FER1L5: variants seen among roughly 807,000 people sequenced by gnomAD.
FER1L5 encodes fer-1 like family member 5.
In FER1L5, 187 loss-of-function variants were observed where a neutral mutation model predicts 279.9. That is an observed-to-expected ratio of 0.67 (90% confidence interval 0.59 to 0.75). The LOEUF is 0.75. FER1L5 is among the 30% of genes least tolerant of loss of function. The pLI, the probability that FER1L5 is intolerant of heterozygous loss-of-function variation, is 0.00. For missense variants in FER1L5, 2,091 were observed against 2,594.4 expected, an observed-to-expected ratio of 0.81 and a Z score of 4.21; for synonymous variants, 921 against 989.7, an observed-to-expected ratio of 0.93 and a Z score of 1.30.
At position 96,702,430 on chromosome 2, in the gene FER1L5, A is replaced by G. The variant is rs959718484; in HGVS notation, c.5255+29A>G. 5.0e-6 allele frequency: 8 copies of G among 1,590,364 alleles called. No individual in the cohort carries two copies. The highest frequency in any genetic ancestry group is 6.8e-6 in the Non-Finnish European group (8 of 1,168,822). On this transcript the variant is annotated intron_variant, in intron 47 of 52. Coordinates refer to ENST00000624922, the MANE Select transcript of FER1L5 (RefSeq NM_001293083.2). The surrounding 1 kb of genome is among the most constrained non-coding windows in gnomAD (Gnocchi z 4.0). ...GGGAAGAGGAGTCAGGCTCCGGCAG[A>G]GCCCCTCAGTTCCCCAGTTCTGTCA... is the stretch of plus-strand genomic sequence containing the variant.
rs2075115797 is a variant in FER1L5 at position 96,646,099 on chromosome 2, C to T, written c.86-302C>T. 4.0e-5 allele frequency among the ~76,000 whole-genome samples: 6 copies of T among 148,972 alleles called. No homozygotes were observed. In the Admixed American group the frequency reaches 4.1e-4, roughly 10 times the overall value. ...CTGCAAGCTCTGCCTCCTGGGTTCA[C>T]ACCCTTCTCCTGCCTCAGCCTCCCA... On this transcript the variant is annotated intron_variant, in intron 1 of 52. Transcript: ENST00000624922.
chr2:96,686,303 C>G lies in FER1L5; in HGVS notation c.2182C>G (p.Leu728Val), dbSNP rs1251309908. Residue 728 changes from leucine (L) to valine (V), a missense_variant, in exon 23 of 53, where the codon CTG becomes GTG. By Grantham distance (32) the Leu-to-Val change is conservative (BLOSUM62 1). Coordinates refer to ENST00000624922, the MANE Select transcript of FER1L5 (RefSeq NM_001293083.2). ...CGTCCTCTTCTCCCCGGCAGGGGCT[C>G]TGCACTCCGGCAGGCTCTGTGGGAA... ...HSVLFSPAGALHSGRLCGKIQ... is the reference protein window; with the variant it reads ...HSVLFSPAGAVHSGRLCGKIQ... The G allele has an allele frequency of 5.8e-6, 9 of 1,551,480 alleles. No homozygotes were observed. The highest frequency in any genetic ancestry group is 7.8e-6 in the Non-Finnish European group (9 of 1,146,992).
In FER1L5 at chr2:96,702,602, G is replaced by A; in HGVS notation, c.5258G>A (p.Trp1753Ter). The change falls in exon 48 of 53, where the codon TGG becomes TAG. Residue 1753 changes from tryptophan to a stop codon, truncating the protein, a stop_gained and splice_region_variant. Coordinates refer to ENST00000624922, the MANE Select transcript of FER1L5 (RefSeq NM_001293083.2). LOFTEE classifies it high-confidence loss of function. This position sits in a 1 kb window ranked among gnomAD's most constrained non-coding sequence, Gnocchi z 4.0. ...EKTSDIYIKG[W>*]LYGLEKDMQK... ...AGGTGATAGGACTCTGGCCCCAGGT[G>A]GTTATACGGGCTGGAGAAGGACATG... is the stretch of plus-strand genomic sequence containing the variant. 2 of 1,569,200 alleles carry A rather than the reference G, an allele frequency of 1.3e-6. No individual in the cohort carries two copies. The highest frequency in any genetic ancestry group is 1.7e-6 in the Non-Finnish European group (2 of 1,157,412).
Position 96,700,342 on chromosome 2 carries a change from C to G in FER1L5, c.4941C>G (p.Thr1647=). ...CCCCCTCCAATCCAGAGCCCAAAAC[C>G]CCTACTGTTCATGGTTTGGGACCCA... ...KFKLQSFEPK[T]PTVHGLGPKK... Residue 1647 remains threonine, a synonymous_variant, in exon 45 of 53, where the codon ACC becomes ACG. Coordinates refer to ENST00000624922, the MANE Select transcript of FER1L5 (RefSeq NM_001293083.2). 6.2e-7 allele frequency: 1 copy of G among 1,613,318 alleles called. No individual in the cohort carries two copies. The highest frequency in any genetic ancestry group is 8.5e-7 in the Non-Finnish European group (1 of 1,179,878).
At position 96,692,166 on chromosome 2, in the gene FER1L5, A is replaced by G; in HGVS notation, c.3277A>G (p.Ile1093Val). 1 of 1,551,608 alleles carries G rather than the reference A, an allele frequency of 6.4e-7. No homozygotes were observed. Among genetic ancestry groups the G allele is most frequent in the Non-Finnish European group, 8.7e-7 (1 of 1,146,966 alleles). Residue 1093 changes from isoleucine to valine, a missense_variant, in exon 31 of 53, where the codon ATC (isoleucine) becomes GTC (valine). By Grantham distance (29) the Ile-to-Val change is conservative (BLOSUM62 3). Coordinates refer to ENST00000624922, the MANE Select transcript of FER1L5 (RefSeq NM_001293083.2). The stretch of plus-strand genomic sequence containing the variant: ...GGCCCGGAACCTGGTGTCCAATCAG[A>G]TCCTGACATTCCAAGGTAGGTGGCA... Reference protein sequence around the residue: ...YQARNLVSNQILTFQGPFIRV... With the variant: ...YQARNLVSNQVLTFQGPFIRV...
At chr2:96,652,437 T>TA (rs1252697892) in intron 7 of FER1L5, 1 of 176,314 alleles carries the variant, frequency 5.7e-6, no homozygotes, top group East Asian at 1.4e-4. Flanking sequence ...AAATAAAAGA[T>TA]AAAAGCACAG....
rs773622196 is a variant in FER1L5 at position 96,694,744 on chromosome 2, T to G, written c.3741+280T>G. On this transcript the variant is annotated intron_variant, in intron 34 of 52. Coordinates refer to ENST00000624922, the MANE Select transcript of FER1L5 (RefSeq NM_001293083.2). This position sits in a 1 kb window ranked among gnomAD's most constrained non-coding sequence, Gnocchi z 4.6. The stretch of plus-strand genomic sequence containing the variant: ...GCTGCCCCTGCGCAGTAGCAACTAC[T>G]TTGCAGAGAAGGAAATAGAGGCTCC... 9.2e-5 allele frequency: 28 copies of G among 303,072 alleles called. No homozygotes were observed. The highest frequency in any genetic ancestry group is 1.4e-4 in the Non-Finnish European group (24 of 165,834). The allele number at this position is 303,072 out of a possible 1,614,324, so 18.8% of individuals were successfully genotyped here.
chr2:96,691,712 C>T lies in FER1L5; in HGVS notation c.3075+100C>T, dbSNP rs1217199396. On this transcript the variant is annotated intron_variant, in intron 29 of 52. Transcript: ENST00000624922. The surrounding 1 kb of genome is among the most constrained non-coding windows in gnomAD (Gnocchi z 6.0). ...GGCGCTGACTGCGGAGGAAGGGCCT[C>T]TGTTCCTCAGGCTTGCGAGGGTGGC... 8.4e-6 allele frequency: 13 copies of T among 1,547,064 alleles called. No homozygotes were observed. The highest frequency in any genetic ancestry group is 8.2e-5 in the African/African-American group (6 of 73,124).
intron 9 of FER1L5, among the ~76,000 whole-genome samples, chr2:96,658,039 T>C (rs969025876): frequency 4.6e-5 from 7 of 151,478 alleles, no homozygotes; most frequent in Non-Finnish European, 7.4e-5. Flanking sequence ...TTTTTTGAGA[T>C]GGAGTCTTGC....
At chr2:96,666,170 A>C (rs970252178) in intron 14 of FER1L5, among the ~76,000 whole-genome samples, 1 of 150,428 alleles carries the variant, frequency 6.6e-6, no homozygotes, top group African/African-American at 2.5e-5. Context: ...AGCAGAGCCC[A>C]GGGCACTGCA....
chr2:96,699,618 T>C lies in FER1L5; in HGVS notation c.4679T>C (p.Leu1560Pro). The change falls in exon 43 of 53, where the codon CTA (leucine) becomes CCA (proline). Residue 1560 changes from leucine to proline, a missense_variant. Leu to Pro is a moderately conservative substitution (Grantham distance 98, BLOSUM62 -3). Transcript: ENST00000624922. ...GAGATCCAGCTCTATGACTTCGACC[T>C]ATTTTCACCTGATGATAAGATAGGA... The part of the protein sequence containing the change: ...DLEIQLYDFD[L>P]FSPDDKIGTT... 1 of 1,614,014 alleles carries C rather than the reference T, an allele frequency of 6.2e-7. No homozygotes were observed. The highest frequency in any genetic ancestry group is 8.5e-7 in the Non-Finnish European group (1 of 1,179,890).
chr2:96,657,589 C>A (rs555740991), intron 9 of FER1L5, among the ~76,000 whole-genome samples: 32 of 152,284 alleles, frequency 2.1e-4, no homozygotes, highest in Admixed American at 1.0e-3. Context: ...CATCCCACCC[C>A]CTCCATCCGC....
chr2:96,686,661 G>A (rs1041815976), intron 23 of FER1L5, among the ~76,000 whole-genome samples: 7 of 151,958 alleles, frequency 4.6e-5, no homozygotes, highest in African/African-American at 1.5e-4. Flanking sequence ...TTGAGACCCA[G>A]CCTGACCAAC....
At chr2:96,654,407 T>C (rs2075510058) in intron 8 of FER1L5, 39 bp from the exon 9 acceptor site, 4 of 398,716 alleles carry the variant, frequency 1.0e-5, no homozygotes, top group Non-Finnish European at 1.8e-5. Flanking sequence ...GAAATTGGGA[T>C]TGTGAATAAT....
In FER1L5 at chr2:96,654,494, C is replaced by G; in HGVS notation, c.745C>G (p.Gln249Glu). The G allele has an allele frequency of 2.5e-6, 1 of 399,024 alleles. No homozygotes were observed. Among genetic ancestry groups the G allele is most frequent in the African/African-American group, 2.1e-5 (1 of 48,738 alleles). The allele number at this position is 399,024 out of a possible 1,614,324, so 24.7% of individuals were successfully genotyped here. ...MRYKAEIGRF[Q>E]TDIGFIYHSP... ...ATACAAAGCAGAGATCGGGAGATTT[C>G]AAGTGAGTACTGTACATGGGAGGAG... Residue 249 changes from glutamine (Q) to glutamate (E), a missense_variant and splice_region_variant, in exon 9 of 53, where the codon CAA (glutamine) becomes GAA (glutamate). Physicochemically the swap from Gln to Glu is conservative, Grantham distance 29 (BLOSUM62 2). Transcript: ENST00000624922.
At chr2:96,674,901 TC>T (rs1008894693) in intron 19 of FER1L5, among the ~76,000 whole-genome samples, 1 of 152,156 alleles carries the variant, frequency 6.6e-6, no homozygotes, top group African/African-American at 2.4e-5. Context: ...TTAGAAAGGG[TC>T]CCTGTTTGCT....
Position 96,702,754 on chromosome 2 carries a change from G to C in FER1L5, c.5397+13G>C, listed in dbSNP as rs1386063426. 2.2e-5 allele frequency: 36 copies of C among 1,611,704 alleles called. No individual in the cohort carries two copies. The highest frequency in any genetic ancestry group is 3.0e-5 in the Non-Finnish European group (35 of 1,179,214). On this transcript the variant is annotated intron_variant, in intron 48 of 52. Coordinates refer to ENST00000624922, the MANE Select transcript of FER1L5 (RefSeq NM_001293083.2). The surrounding 1 kb of genome is among the most constrained non-coding windows in gnomAD (Gnocchi z 4.0). The stretch of plus-strand genomic sequence containing the variant: ...CCAGAGCCAGAAGGTAACAGGCCTG[G>C]GGCGTGAGGGGCAACAGGCCACAAC...
In FER1L5 at chr2:96,689,271, C is replaced by G. The variant is rs2077049585; in HGVS notation, c.2420C>G (p.Pro807Arg). ...QWGQQGLYHC[P>R]NFSDVMGNKT... ...GGGCAGCAGGGGCTGTATCACTGCC[C>G]CAACTTCTCGGATGTCATGGGGAAC... The change falls in exon 25 of 53, where the codon CCC becomes CGC. Residue 807 changes from proline (P) to arginine (R), a missense_variant. Physicochemically the swap from Pro to Arg is moderately radical, Grantham distance 103 (BLOSUM62 -2). Coordinates refer to ENST00000624922, the MANE Select transcript of FER1L5 (RefSeq NM_001293083.2). The surrounding 1 kb of genome is among the most constrained non-coding windows in gnomAD (Gnocchi z 4.6). 2 of 1,550,408 alleles carry G rather than the reference C, an allele frequency of 1.3e-6. No homozygotes were observed. Among genetic ancestry groups the G allele is most frequent in the South Asian group, 1.2e-5 (1 of 83,944 alleles).
intron 37 of FER1L5, 73 bp from the exon 38 acceptor site, chr2:96,697,453 C>T (rs2077422183): frequency 1.3e-6 from 2 of 1,546,442 alleles, no homozygotes; most frequent in Admixed American, 1.9e-5. Context: ...TGGCCTCAAC[C>T]CCCCTCTCCT....
Sources: gnomAD v4.1 joint callset for allele counts (sites outside exome capture counted in the v4.1 genomes callset) on GRCh38, gnomAD v4.1.1 for gene constraint, Gnocchi (gnomAD v3.1) non-coding constraint, MANE v1.5 for transcripts, NCBI Gene and HGNC (gene_info 2026-07-23, HGNC 2026-07-21) for gene names.